The following NSL1 variants were observed in gnomAD, a reference collection of about 807,000 sequenced individuals.
NSL1 encodes NSL1 component of MIS12 kinetochore complex.
A neutral mutation model predicts 25.4 loss-of-function variants in NSL1; 11 were observed. The observed-to-expected ratio is 0.43, with a 90% confidence interval of 0.27 to 0.72. The LOEUF (loss-of-function observed/expected upper bound fraction) is 0.72, where lower values mean the gene tolerates loss of function less well. Ranked by LOEUF, NSL1 falls within the 30% of genes least tolerant of loss-of-function variation. NSL1 has a pLI of 0.19. For missense variants in NSL1, 330 were observed against 342.7 expected (o/e 0.96, Z 0.29); for synonymous variants, 118 against 120.6 (o/e 0.98, Z 0.14).
At chr1:212,789,271 G>A (rs1661075009) in intron 1 of NSL1, among the ~76,000 whole-genome samples, 1 of 152,078 alleles carries the variant, frequency 6.6e-6, no homozygotes, top group Admixed American at 6.6e-5. Flanking sequence ...GAGTGCAATG[G>A]CGCAATCTTG....
Position 212,745,160 on chromosome 1 carries a change from CTATATATATAT to C in NSL1, c.500-5570_500-5560del, listed in dbSNP as rs1244510658. Among the ~76,000 whole-genome samples, 6 of 117,688 alleles carry C rather than the reference CTATATATATAT, an allele frequency of 5.1e-5. No homozygotes were observed. The South Asian group carries it at 1.1e-3, about 21-fold the overall frequency. 77.2% of individuals were successfully genotyped at this position (117,688 alleles called of 152,430 possible). A position where few individuals can be genotyped will look rare whatever the true frequency, so the allele number is the denominator to read the frequency against. ...CAAAACAAACAAACAAACAAACAAACTATATATATATATATATATATATATATATATATATA... is the reference window on the plus strand; with the variant it reads ...CAAAACAAACAAACAAACAAACAAACATATATATATATATATATATATATA... On this transcript the variant is annotated intron_variant, in intron 4 of 5. Transcript: ENST00000366977.
rs147289903 is a variant in NSL1 at position 212,728,450 on chromosome 1, T to C, written c.*9958A>G. On this transcript the variant is annotated 3_prime_UTR_variant, in exon 6 of 6. Transcript: ENST00000366977. Reference sequence around the variant, plus strand: ...GCTTTACTCAATCTCTTCCTTTTCTTTGGGTAATCTTTTATCTTGAACTAC... The same window carrying C: ...GCTTTACTCAATCTCTTCCTTTTCTCTGGGTAATCTTTTATCTTGAACTAC... 34 of 985,448 alleles carry C rather than the reference T, an allele frequency of 3.5e-5. No individual in the cohort carries two copies. The African/African-American group carries it at 4.4e-4, about 13-fold the overall frequency. The allele number at this position is 985,448 out of a possible 1,614,324, so 61.0% of individuals were successfully genotyped here.
At chr1:212,784,780 A>G (rs1660870638) in intron 2 of NSL1, among the ~76,000 whole-genome samples, 1 of 152,242 alleles carries the variant, frequency 6.6e-6, no homozygotes, top group Non-Finnish European at 1.5e-5. Context: ...AGAAACAGAC[A>G]ATTGCAAGGC....
intron 4 of NSL1, among the ~76,000 whole-genome samples, chr1:212,767,934 T>G (rs905962261): frequency 8.5e-5 from 13 of 152,236 alleles, no homozygotes; most frequent in African/African-American, 2.9e-4. Flanking sequence ...GATGTTGGCA[T>G]GGCTGTGTTG....
intron 4 of NSL1, among the ~76,000 whole-genome samples, chr1:212,750,932 C>T (rs1368090985): frequency 6.6e-6 from 1 of 152,036 alleles, no homozygotes; most frequent in African/African-American, 2.4e-5. Context: ...CAGAGCAAGA[C>T]TGCCTCAAAC....
intron 5 of NSL1, 70 bp from the exon 6 acceptor site, chr1:212,738,756 C>T (rs191654904): frequency 7.7e-7 from 1 of 1,300,590 alleles, no homozygotes; most frequent in East Asian, 2.4e-5. Flanking sequence ...AAGATGGATG[C>T]AGTACTCTAA....
chr1:212,791,697 CTG>C lies in NSL1; in HGVS notation c.65_66del (p.Thr22ArgfsTer59), dbSNP rs1558071306. On this transcript the variant is annotated frameshift_variant, in exon 1 of 6. Transcript: ENST00000366977. LOFTEE classifies it high-confidence loss of function. ...PPWDKELAAG[T>X]ESQALVSATP... ...GTGGCGGAGACCAAGGCCTGGCTCT[CTG>C]TGCCAGCCGCGAGCTCCTTGTCCCA... is the stretch of plus-strand genomic sequence containing the variant. The C allele has an allele frequency of 1.9e-6, 3 of 1,613,972 alleles. No homozygotes were observed. Among genetic ancestry groups the C allele is most frequent in the Non-Finnish European group, 2.5e-6 (3 of 1,180,008 alleles).
chr1:212,751,340 C>T (rs1659058281), intron 4 of NSL1, among the ~76,000 whole-genome samples: 1 of 152,174 alleles, frequency 6.6e-6, no homozygotes, highest in African/African-American at 2.4e-5. Flanking sequence ...AAGTGGGTTT[C>T]ATCAGCCTCC....
At chr1:212,788,591 A>G (rs1661049233) in intron 1 of NSL1, among the ~76,000 whole-genome samples, 1 of 152,230 alleles carries the variant, frequency 6.6e-6, no homozygotes, top group Admixed American at 6.5e-5. Context: ...TTTTTAAATG[A>G]TGGACTAAAG....
chr1:212,758,132 A>G (rs1208350651), intron 4 of NSL1, among the ~76,000 whole-genome samples: 3 of 152,194 alleles, frequency 2.0e-5, no homozygotes, highest in African/African-American at 4.8e-5. Flanking sequence ...AGAAAAAGCA[A>G]TAATATTATT....
intron 4 of NSL1, among the ~76,000 whole-genome samples, chr1:212,779,443 G>A (rs1161512555): frequency 1.6e-5 from 2 of 123,608 alleles, no homozygotes; most frequent in Admixed American, 7.6e-5. Context: ...GCCTCTGCCC[G>A]GCCGCCCCTA....
chr1:212,769,105 A>C (rs1659975813), intron 4 of NSL1, among the ~76,000 whole-genome samples: 1 of 152,134 alleles, frequency 6.6e-6, no homozygotes, highest in Non-Finnish European at 1.5e-5. Context: ...AAGAAAGCCT[A>C]ACTGACTTTG....
In NSL1 at chr1:212,729,039, G is replaced by T; in HGVS notation, c.*9369C>A. Reference sequence around the variant, plus strand: ...TGTCAATCTGAAATTTTTTTTAAAGGAAGAATACTTGGGTTGGGCTTACAA... The same window carrying T: ...TGTCAATCTGAAATTTTTTTTAAAGTAAGAATACTTGGGTTGGGCTTACAA... On this transcript the variant is annotated 3_prime_UTR_variant, in exon 6 of 6. Coordinates refer to ENST00000366977, the MANE Select transcript of NSL1 (RefSeq NM_015471.4). The T allele has an allele frequency of 1.0e-6, 1 of 985,370 alleles. No individual in the cohort carries two copies. The highest frequency in any genetic ancestry group is 1.2e-6 in the Non-Finnish European group (1 of 829,904). The allele number at this position is 985,370 out of a possible 1,614,324, so 61.0% of individuals were successfully genotyped here.
intron 4 of NSL1, among the ~76,000 whole-genome samples, chr1:212,749,574 A>T (rs1658970646): frequency 6.6e-6 from 1 of 152,068 alleles, no homozygotes; most frequent in Admixed American, 6.6e-5. Context: ...GGTGTGAGCC[A>T]CTATGCCCAG....
At position 212,737,915 on chromosome 1, in the gene NSL1, T is replaced by C; in HGVS notation, c.*493A>G. On this transcript the variant is annotated 3_prime_UTR_variant, in exon 6 of 6. Transcript: ENST00000366977. ...GCCAGTATTATCATCAGCACATTAA[T>C]TTGATAAATCAAACTACATCTTTAA... is the stretch of plus-strand genomic sequence containing the variant. 1 of 985,706 alleles carries C rather than the reference T, an allele frequency of 1.0e-6. No homozygotes were observed. Among genetic ancestry groups the C allele is most frequent in the South Asian group, 4.7e-5 (1 of 21,294 alleles). The allele number at this position is 985,706 out of a possible 1,614,324, so 61.1% of individuals were successfully genotyped here.
In NSL1 at chr1:212,738,068, A is replaced by G; in HGVS notation, c.*340T>C. Reference sequence around the variant, plus strand: ...GAAAGATGTATACCAGGGAAACACAACAGAATTTGTTACTTGTTAAATCCC... The same window carrying G: ...GAAAGATGTATACCAGGGAAACACAGCAGAATTTGTTACTTGTTAAATCCC... On this transcript the variant is annotated 3_prime_UTR_variant, in exon 6 of 6. Transcript: ENST00000366977. 9.9e-7 allele frequency: 1 copy of G among 1,010,432 alleles called. No homozygotes were observed. The allele number at this position is 1,010,432 out of a possible 1,614,324, so 62.6% of individuals were successfully genotyped here. A position where few individuals can be genotyped will look rare whatever the true frequency, so the allele number is the denominator to read the frequency against.
intron 4 of NSL1, among the ~76,000 whole-genome samples, chr1:212,775,748 A>C (rs1660332065): frequency 6.6e-6 from 1 of 152,214 alleles, no homozygotes; most frequent in South Asian, 2.1e-4. Context: ...TCAAGAAACA[A>C]CTTACAAAAT....
chr1:212,748,536 T>C (rs1658914838), intron 4 of NSL1, among the ~76,000 whole-genome samples: 1 of 152,204 alleles, frequency 6.6e-6, no homozygotes. Context: ...AACAAAGAAC[T>C]TCTGCTACAT....
In NSL1 at chr1:212,727,858, A is replaced by T. The variant is rs1657849832; in HGVS notation, c.*10550T>A. 1 of 985,064 alleles carries T rather than the reference A, an allele frequency of 1.0e-6. No homozygotes were observed. 61.0% of individuals were successfully genotyped at this position (985,064 alleles called of 1,614,324 possible). On this transcript the variant is annotated 3_prime_UTR_variant, in exon 6 of 6. Transcript: ENST00000366977. ...CTATTCGTTAACTGCTGGGAAATTT[A>T]AAAATGTTTGTTGATACTCTCTGTT... is the stretch of plus-strand genomic sequence containing the variant.
Sources: allele counts gnomAD v4.1 joint callset (sites outside exome capture counted in the v4.1 genomes callset), GRCh38; gene constraint gnomAD v4.1.1; transcripts MANE v1.5; gene names NCBI Gene and HGNC (gene_info 2026-07-23, HGNC 2026-07-21).